The following DCHS2 variants were observed in gnomAD, a reference collection of about 807,000 sequenced individuals.
DCHS2 encodes protocadherin-23.
A neutral mutation model predicts 182.4 loss-of-function variants in DCHS2; 142 were observed. That is an observed-to-expected ratio of 0.78 (90% CI 0.68 to 0.89). DCHS2 has a LOEUF of 0.89. DCHS2 is among the 40% of genes least tolerant of loss of function. DCHS2 has a pLI of 0.00. For missense variants in DCHS2, 4,319 were observed against 4,198.6 expected (o/e 1.03, Z -0.79); for synonymous variants, 1,740 against 1,663.3 (o/e 1.05, Z -1.12).
At chr4:154,302,069 A>G (rs1353892885) in intron 12 of DCHS2, among the ~76,000 whole-genome samples, 1 of 152,228 alleles carries the variant, frequency 6.6e-6, no homozygotes, top group African/African-American at 2.4e-5. Context: ...TTAATTGTAG[A>G]AAAGTATAAT....
chr4:154,483,850 A>T (rs897909782), intron 1 of DCHS2, among the ~76,000 whole-genome samples: 1 of 152,162 alleles, frequency 6.6e-6, no homozygotes, highest in African/African-American at 2.4e-5. Flanking sequence ...GTCCTTAGCC[A>T]TTGACTCTTC....
intron 1 of DCHS2, among the ~76,000 whole-genome samples, chr4:154,417,272 G>A (rs538623227): frequency 1.8e-4 from 26 of 147,950 alleles, no homozygotes; most frequent in Non-Finnish European, 3.4e-4. Context: ...GGAACTGGGA[G>A]TCATTCTTCC....
At chr4:154,398,409 A>G (rs1732023115) in intron 1 of DCHS2, among the ~76,000 whole-genome samples, 1 of 152,188 alleles carries the variant, frequency 6.6e-6, no homozygotes, top group African/African-American at 2.4e-5. Context: ...AACAAAACAT[A>G]GTTACTGTTA....
intron 14 of DCHS2, among the ~76,000 whole-genome samples, chr4:154,260,924 T>C (rs1051096491): frequency 6.6e-6 from 1 of 152,140 alleles, no homozygotes; most frequent in African/African-American, 2.4e-5. Flanking sequence ...CATACTCTAG[T>C]TTCCCCCACC....
At chr4:154,477,838 G>A (rs1735750861) in intron 1 of DCHS2, among the ~76,000 whole-genome samples, 1 of 152,174 alleles carries the variant, frequency 6.6e-6, no homozygotes, top group African/African-American at 2.4e-5. Flanking sequence ...TGTGGTCAGA[G>A]CTTGCTAAGG....
intron 14 of DCHS2, among the ~76,000 whole-genome samples, chr4:154,266,369 T>G (rs1057142566): frequency 6.6e-6 from 1 of 152,090 alleles, no homozygotes; most frequent in South Asian, 2.1e-4. Context: ...CCAAAACCTT[T>G]TGGAAATCAT....
intron 3 of DCHS2, among the ~76,000 whole-genome samples, chr4:154,339,595 G>A (rs1235832251): frequency 5.9e-5 from 9 of 152,026 alleles, no homozygotes; most frequent in South Asian, 4.2e-4. Flanking sequence ...GACTACAGGC[G>A]CCTACCATCA....
chr4:154,321,176 C>T lies in DCHS2; in HGVS notation c.4223G>A (p.Arg1408Lys), dbSNP rs766254581. The change falls in exon 9 of 20, where the codon AGA becomes AAA. Residue 1408 changes from arginine (R) to lysine (K), a missense_variant. Arg to Lys is a conservative substitution (Grantham distance 26). Transcript: ENST00000357232. Reference sequence around the variant, plus strand: ...CAAATTTTCTGGTATAATTAAATGTCTAATATTCTGAGACATGATTGCTCT... The same window carrying T: ...CAAATTTTCTGGTATAATTAAATGTTTAATATTCTGAGACATGATTGCTCT... ...KGRAIMSQNI[R>K]HLIIPENLKP... The T allele has an allele frequency of 2.5e-6, 4 of 1,578,086 alleles. No homozygotes were observed.
At chr4:154,255,967 C>T (rs1732645415) in intron 15 of DCHS2, among the ~76,000 whole-genome samples, 1 of 151,926 alleles carries the variant, frequency 6.6e-6, no homozygotes. Flanking sequence ...ATCTAAGTTG[C>T]TTGAATAGGA....
chr4:154,309,084 A>G (rs1735572680), intron 10 of DCHS2, among the ~76,000 whole-genome samples: 1 of 152,162 alleles, frequency 6.6e-6, no homozygotes. Context: ...CTATATTCTT[A>G]TCGCACTGGC....
At position 154,474,430 on chromosome 4, in the gene DCHS2, G is replaced by A. The variant is rs112770109; in HGVS notation, c.2052+14874C>T. On this transcript the variant is annotated intron_variant, in intron 1 of 19. Coordinates refer to ENST00000357232, the MANE Select transcript of DCHS2 (RefSeq NM_001358235.2). ...AGGGAGCTTCCTCACGCAAGGCTATGCCCCTTCCTCAGGGGCAGCCCCCTG... is the reference window on the plus strand; with the variant it reads ...AGGGAGCTTCCTCACGCAAGGCTATACCCCTTCCTCAGGGGCAGCCCCCTG... Among the ~76,000 whole-genome samples, 417 of 152,230 alleles carry A rather than the reference G, an allele frequency of 2.7e-3. 4 individuals carry two copies. The highest frequency in any genetic ancestry group is 9.5e-3 in the African/African-American group (393 of 41,540).
intron 1 of DCHS2, among the ~76,000 whole-genome samples, chr4:154,424,113 G>T (rs1460318182): frequency 6.6e-6 from 1 of 152,074 alleles, no homozygotes; most frequent in Admixed American, 6.6e-5. Context: ...GACATAACAA[G>T]GTTTCATTGC....
chr4:154,349,827 A>T (rs74449779), intron 3 of DCHS2, among the ~76,000 whole-genome samples: 2,604 of 152,328 alleles, frequency 0.017, 39 homozygotes, highest in Non-Finnish European at 0.027. Flanking sequence ...AATAAATCAG[A>T]AGCCTTATTT....
intron 12 of DCHS2, 45 bp from the exon 13 acceptor site, chr4:154,298,753 G>T: frequency 6.9e-7 from 1 of 1,454,990 alleles, no homozygotes; most frequent in South Asian, 1.4e-5. Context: ...TGAAAAAGTA[G>T]CAGCTCTTTG....
intron 1 of DCHS2, among the ~76,000 whole-genome samples, chr4:154,455,600 G>T (rs1482577084): frequency 6.6e-6 from 1 of 152,206 alleles, no homozygotes; most frequent in African/African-American, 2.4e-5. Flanking sequence ...TGATTTAGAT[G>T]AAACTTACAC....
At position 154,236,885 on chromosome 4, in the gene DCHS2, G is replaced by T; in HGVS notation, c.7767C>A (p.Ile2589=). The part of the protein sequence containing the change: ...TRENTYVEYS[I]ISGNSQNNFH... ...AATTGTTCTGTGAATTACCACTGAT[G>T]ATGGAATATTCAACATATGTGTTTT... The change falls in exon 20 of 20, where the codon ATC becomes ATA. Residue 2589 remains isoleucine (I), a synonymous_variant. Coordinates refer to ENST00000357232, the MANE Select transcript of DCHS2 (RefSeq NM_001358235.2). 1 of 1,614,078 alleles carries T rather than the reference G, an allele frequency of 6.2e-7. No homozygotes were observed. The highest frequency in any genetic ancestry group is 8.5e-7 in the Non-Finnish European group (1 of 1,179,946).
At chr4:154,477,132 G>T (rs1735717714) in intron 1 of DCHS2, among the ~76,000 whole-genome samples, 1 of 152,162 alleles carries the variant, frequency 6.6e-6, no homozygotes, top group Admixed American at 6.6e-5. Flanking sequence ...GGTTCTGGAG[G>T]CTGAAAGTCC....
chr4:154,333,411 GAATAGT>G lies in DCHS2; in HGVS notation c.2791_2796del (p.Thr931_Ile932del). 1 of 1,614,100 alleles carries G rather than the reference GAATAGT, an allele frequency of 6.2e-7. No homozygotes were observed. The highest frequency in any genetic ancestry group is 8.5e-7 in the Non-Finnish European group (1 of 1,180,026). On this transcript the variant is annotated inframe_deletion, in exon 5 of 20. Transcript: ENST00000357232. The stretch of plus-strand genomic sequence containing the variant: ...TCGTGATCCAGGGGCTTCCGGGTGC[GAATAGT>G]GCCCAGCCGCGGGTGAATGGAGAAC...
intron 1 of DCHS2, among the ~76,000 whole-genome samples, chr4:154,383,382 C>T (rs1247516650): frequency 1.3e-5 from 2 of 152,070 alleles, no homozygotes; most frequent in African/African-American, 2.4e-5. Context: ...ATTGCCTGGG[C>T]GATGGGATCA....
Sources: gnomAD v4.1 joint callset for allele counts (sites outside exome capture counted in the v4.1 genomes callset) on GRCh38, gnomAD v4.1.1 for gene constraint, MANE v1.5 for transcripts, NCBI Gene and HGNC (gene_info 2026-07-23, HGNC 2026-07-21) for gene names.